ABLIM1: variants seen among roughly 807,000 people sequenced by gnomAD.
ABLIM1 encodes the protein actin-binding LIM protein 1.
ABLIM1 carries 40 observed loss-of-function variants against 107.0 expected under a neutral mutation model. The ratio of observed to expected loss-of-function variants is 0.37; its 90% CI spans 0.29 to 0.49. ABLIM1 has a LOEUF of 0.49. Ranked by LOEUF, ABLIM1 falls within the 20% of genes least tolerant of loss-of-function variation. ABLIM1 has a pLI of 0.97. For missense variants in ABLIM1, 857 were observed against 1,008.5 expected (o/e 0.85, Z 2.04); for synonymous variants, 357 against 357.3 (o/e 1.00, Z 0.01).
chr10:114,515,381 C>T (rs1358259678), intron 6 of ABLIM1, among the ~76,000 whole-genome samples: 3 of 152,158 alleles, frequency 2.0e-5, no homozygotes, highest in South Asian at 2.1e-4. Flanking sequence ...CCTGGGACTT[C>T]AGGATGTGAG....
At chr10:114,712,147 G>A (rs1360870304) in intron 1 of ABLIM1, among the ~76,000 whole-genome samples, 19 of 152,020 alleles carry the variant, frequency 1.2e-4, no homozygotes, top group Non-Finnish European at 1.5e-5. Context: ...GAGGTCTGGA[G>A]TTCAAGACCA....
intron 6 of ABLIM1, among the ~76,000 whole-genome samples, chr10:114,528,478 C>T (rs2065103045): frequency 6.6e-6 from 1 of 152,194 alleles, no homozygotes; most frequent in South Asian, 2.1e-4. Flanking sequence ...AGACTATTGG[C>T]TTATACATCA....
chr10:114,784,217 G>A, the ABLIM1 span, among the ~76,000 whole-genome samples: 1 of 151,502 alleles, frequency 6.6e-6, no homozygotes, highest in Non-Finnish European at 1.5e-5. Flanking sequence ...TCGGTGGTGC[G>A]CACCTGTAGT....
At chr10:114,783,389 G>C in the ABLIM1 span, among the ~76,000 whole-genome samples, 1 of 152,154 alleles carries the variant, frequency 6.6e-6, no homozygotes, top group Admixed American at 6.5e-5. Flanking sequence ...GATGTCTGCT[G>C]TAAGATACCC....
At chr10:114,699,193 A>G (rs2081259516) in intron 1 of ABLIM1, among the ~76,000 whole-genome samples, 1 of 149,682 alleles carries the variant, frequency 6.7e-6, no homozygotes, top group Non-Finnish European at 1.5e-5. Flanking sequence ...GAAGCAAACT[A>G]AAGAGTCATA....
chr10:114,710,655 A>G (rs1273071454), intron 1 of ABLIM1, among the ~76,000 whole-genome samples: 1 of 152,136 alleles, frequency 6.6e-6, no homozygotes, highest in Non-Finnish European at 1.5e-5. Flanking sequence ...AGTGGCTTGC[A>G]CTTGTAGTCC....
At chr10:114,596,795 T>C (rs893114364) in intron 2 of ABLIM1, among the ~76,000 whole-genome samples, 2 of 152,152 alleles carry the variant, frequency 1.3e-5, no homozygotes, top group African/African-American at 4.8e-5. Flanking sequence ...TTTCAAAACC[T>C]ATTTTTAGCA....
At chr10:114,735,167 T>G (rs2142208441) in intron 1 of ABLIM1, among the ~76,000 whole-genome samples, 1 of 152,312 alleles carries the variant, frequency 6.6e-6, no homozygotes, top group East Asian at 1.9e-4. Flanking sequence ...CACAAGCCCC[T>G]GATTACTTAC....
chr10:114,448,075 C>A, intron 14 of ABLIM1, 55 bp from the exon 15 acceptor site: 4 of 1,605,104 alleles, frequency 2.5e-6, no homozygotes, highest in Non-Finnish European at 3.4e-6. Context: ...AAGACAATGG[C>A]GGTACAACCC....
chr10:114,724,464 T>G (rs562787351), intron 1 of ABLIM1, among the ~76,000 whole-genome samples: 1 of 152,292 alleles, frequency 6.6e-6, no homozygotes, highest in Admixed American at 6.5e-5. Flanking sequence ...CCTCAGGCCA[T>G]GAAACAGGCA....
the ABLIM1 span, among the ~76,000 whole-genome samples, chr10:114,800,813 A>G: frequency 6.6e-6 from 1 of 152,150 alleles, no homozygotes; most frequent in East Asian, 1.9e-4. Flanking sequence ...GAAGGCTAAG[A>G]CAGGAGAATT....
intron 6 of ABLIM1, among the ~76,000 whole-genome samples, chr10:114,502,930 C>T (rs1199614252): frequency 1.3e-5 from 2 of 152,196 alleles, no homozygotes; most frequent in African/African-American, 4.8e-5. Context: ...CCAATGATGA[C>T]TATGCCTTCC....
chr10:114,585,883 T>C lies in ABLIM1; in HGVS notation c.380-10284A>G, dbSNP rs183151697. 9.8e-5 allele frequency among the ~76,000 whole-genome samples: 15 copies of C among 152,362 alleles called. No individual in the cohort carries two copies. In the East Asian group the frequency reaches 2.9e-3, roughly 29 times the overall value. On this transcript the variant is annotated intron_variant, in intron 2 of 22. Coordinates refer to ENST00000533213, the MANE Select transcript of ABLIM1 (RefSeq NM_002313.7). ...CTTGTGATACTCCATCCACTGTCAC[T>C]ATGATTGTCTCCTCGTCTCGACTGC...
In ABLIM1 at chr10:114,445,414, A is replaced by G. The variant is rs767470971; in HGVS notation, c.1736-11T>C. The G allele has an allele frequency of 7.0e-5, 112 of 1,611,234 alleles. No homozygotes were observed. The East Asian group carries it at 2.4e-3, about 35-fold the overall frequency. On this transcript the variant is annotated splice_polypyrimidine_tract_variant and intron_variant, in intron 15 of 22. Coordinates refer to ENST00000533213, the MANE Select transcript of ABLIM1 (RefSeq NM_002313.7). Reference sequence around the variant, plus strand: ...GTTTCATGTCAGGTCCTAATTCCACAGCAAAGACAACTTCTCACATCAGCC... The same window carrying G: ...GTTTCATGTCAGGTCCTAATTCCACGGCAAAGACAACTTCTCACATCAGCC...
upstream of ABLIM1, among the ~76,000 whole-genome samples, chr10:114,768,324 C>A (rs940810311): frequency 6.8e-6 from 1 of 147,598 alleles, no homozygotes; most frequent in Admixed American, 6.7e-5. Context: ...GCGCCTCCCC[C>A]GCCCCGAGCC....
At chr10:114,535,798 G>C (rs897886627) in intron 6 of ABLIM1, among the ~76,000 whole-genome samples, 5 of 152,122 alleles carry the variant, frequency 3.3e-5, no homozygotes, top group African/African-American at 1.2e-4. Context: ...GCGTGGGTTT[G>C]AATCACATGG....
In ABLIM1 at chr10:114,542,942, G is replaced by C. The variant is rs537077972; in HGVS notation, c.894+2063C>G. On this transcript the variant is annotated intron_variant, in intron 6 of 22. Transcript: ENST00000533213. ...TTCTTTCTCCCTGGTCAAGACACTAGTTTTGAAGTGTCCTTGGGTCAATAA... is the reference window on the plus strand; with the variant it reads ...TTCTTTCTCCCTGGTCAAGACACTACTTTTGAAGTGTCCTTGGGTCAATAA... 2.6e-5 allele frequency among the ~76,000 whole-genome samples: 4 copies of C among 152,280 alleles called. 1 individual carries two copies. The South Asian group carries it at 8.3e-4, about 32-fold the overall frequency.
intron 1 of ABLIM1, among the ~76,000 whole-genome samples, chr10:114,697,540 C>G (rs1284460171): frequency 1.3e-5 from 2 of 152,226 alleles, no homozygotes; most frequent in African/African-American, 4.8e-5. Flanking sequence ...ACCTGCACAG[C>G]GTGAACCTGT....
At chr10:114,594,316 T>TTGTA (rs2075201664) in intron 2 of ABLIM1, among the ~76,000 whole-genome samples, 1 of 152,238 alleles carries the variant, frequency 6.6e-6, no homozygotes, top group Non-Finnish European at 1.5e-5. Flanking sequence ...CCAGGCAGGC[T>TTGTA]TGTAGCTCAG....
Sources: allele counts gnomAD v4.1 joint callset (sites outside exome capture counted in the v4.1 genomes callset), GRCh38; gene constraint gnomAD v4.1.1; transcripts MANE v1.5; gene names NCBI Gene and HGNC (gene_info 2026-07-23, HGNC 2026-07-21).